Variants in GRM5 observed in about 807,000 individuals in gnomAD.
GRM5 encodes glutamate metabotropic receptor 5.
GRM5 carries 19 observed loss-of-function variants against 83.1 expected under a neutral mutation model. That is an observed-to-expected ratio of 0.23 (90% confidence interval 0.16 to 0.34). The LOEUF (loss-of-function observed/expected upper bound fraction) is 0.34, where lower values mean the gene tolerates loss of function less well. Among genes scored for constraint, GRM5 ranks in the 10% least tolerant of loss-of-function variants. The pLI is 1.00. For missense variants in GRM5, 1,160 were observed against 1,588.3 expected (o/e 0.73, Z 4.58); for synonymous variants, 675 against 633.6 (o/e 1.07, Z -0.98).
chr11:88,868,963 A>G (rs1169420663), intron 2 of GRM5, among the ~76,000 whole-genome samples: 2 of 151,678 alleles, frequency 1.3e-5, no homozygotes, highest in East Asian at 3.9e-4. Context: ...GATAGTACCA[A>G]AGTATTGGCT....
intron 3 of GRM5, among the ~76,000 whole-genome samples, chr11:88,772,450 C>T (rs1846478): frequency 0.64 from 97,015 of 151,050 alleles, 31,846 homozygotes; most frequent in Non-Finnish European, 0.73. Flanking sequence ...TATTTTTATT[C>T]ATTTTTTATT....
At chr11:88,701,012 T>C (rs1481410050) in intron 3 of GRM5, among the ~76,000 whole-genome samples, 2 of 152,096 alleles carry the variant, frequency 1.3e-5, no homozygotes, top group Non-Finnish European at 2.9e-5. Context: ...AGTGTCCCAT[T>C]TGGGTTTTCT....
chr11:88,851,981 C>T (rs576639572), intron 2 of GRM5, among the ~76,000 whole-genome samples: 1 of 152,298 alleles, frequency 6.6e-6, no homozygotes, highest in South Asian at 2.1e-4. Flanking sequence ...ATCTATTATT[C>T]TTTCATTTAT....
chr11:89,061,566 A>T (rs1413076626), intron 1 of GRM5, among the ~76,000 whole-genome samples: 1 of 152,234 alleles, frequency 6.6e-6, no homozygotes, highest in Non-Finnish European at 1.5e-5. Context: ...AGCCAAAATT[A>T]AAAATGGTAT....
chr11:89,023,014 C>A (rs1417973922), intron 2 of GRM5, among the ~76,000 whole-genome samples: 1 of 152,110 alleles, frequency 6.6e-6, no homozygotes, highest in Admixed American at 6.5e-5. Flanking sequence ...GACACGTTCC[C>A]AGGTAATTTT....
At chr11:89,053,509 C>T (rs1941803941) in intron 1 of GRM5, among the ~76,000 whole-genome samples, 2 of 152,136 alleles carry the variant, frequency 1.3e-5, no homozygotes, top group African/African-American at 4.8e-5. Context: ...CATGTGTTTT[C>T]TATAAATGTT....
intron 2 of GRM5, among the ~76,000 whole-genome samples, chr11:88,915,776 C>T (rs1426478651): frequency 1.3e-5 from 2 of 152,128 alleles, no homozygotes; most frequent in East Asian, 3.9e-4. Context: ...CTACCAACAT[C>T]TTCTAACTTC....
At chr11:88,602,405 G>A (rs1462166435) in intron 5 of GRM5, among the ~76,000 whole-genome samples, 3 of 152,130 alleles carry the variant, frequency 2.0e-5, no homozygotes, top group Non-Finnish European at 2.9e-5. Flanking sequence ...ATTAAAACGT[G>A]CTAACAGTCT....
intron 5 of GRM5, among the ~76,000 whole-genome samples, chr11:88,600,541 A>G (rs1237023581): frequency 1.3e-5 from 2 of 152,184 alleles, no homozygotes; most frequent in East Asian, 1.9e-4. Context: ...AATAAATTTT[A>G]TATATTGCTC....
At chr11:89,027,966 G>A (rs1941167503) in intron 2 of GRM5, among the ~76,000 whole-genome samples, 1 of 152,102 alleles carries the variant, frequency 6.6e-6, no homozygotes, top group African/African-American at 2.4e-5. Flanking sequence ...AAATGAATTA[G>A]GCCCCCATTT....
chr11:88,870,074 AAAG>A (rs1944737580), intron 2 of GRM5, among the ~76,000 whole-genome samples: 4 of 151,620 alleles, frequency 2.6e-5, no homozygotes. Flanking sequence ...AACGGGTAGA[AAAG>A]AAGAAATACT....
At chr11:88,833,269 AAACT>A (rs1318009006) in intron 3 of GRM5, among the ~76,000 whole-genome samples, 2 of 152,062 alleles carry the variant, frequency 1.3e-5, no homozygotes, top group Non-Finnish European at 2.9e-5. Flanking sequence ...CTTAAAAAAA[AAACT>A]AACTCCCGCT....
chr11:88,945,496 C>G (rs555332769), intron 2 of GRM5, among the ~76,000 whole-genome samples: 194 of 152,178 alleles, frequency 1.3e-3, no homozygotes, highest in Non-Finnish European at 2.3e-3. Context: ...TCAAACTATA[C>G]TACAATGCTA....
intron 9 of GRM5, 109 bp downstream of exon 9, chr11:88,525,200 A>G (rs1941837516): frequency 1.4e-6 from 1 of 708,788 alleles, no homozygotes; most frequent in Non-Finnish European, 2.5e-6. Context: ...GGTTGGACAC[A>G]CTGTATGAGT....
intron 3 of GRM5, among the ~76,000 whole-genome samples, chr11:88,849,191 A>T (rs960002046): frequency 9.9e-5 from 15 of 152,016 alleles, no homozygotes; most frequent in African/African-American, 2.9e-4. Context: ...ACACACACAA[A>T]TTTATACATA....
At chr11:88,993,713 C>T (rs576869815) in intron 2 of GRM5, among the ~76,000 whole-genome samples, 100 of 151,980 alleles carry the variant, frequency 6.6e-4, no homozygotes, top group Middle Eastern at 3.4e-3. Context: ...GGTTTTATTT[C>T]TGGTGTTTTT....
intron 3 of GRM5, among the ~76,000 whole-genome samples, chr11:88,747,725 G>A (rs1207231155): frequency 6.6e-6 from 1 of 150,378 alleles, no homozygotes; most frequent in Non-Finnish European, 1.5e-5. Flanking sequence ...AAAAGATCAC[G>A]TAACGAGGAG....
At chr11:88,833,731 G>A (rs1000011374) in intron 3 of GRM5, among the ~76,000 whole-genome samples, 1 of 152,058 alleles carries the variant, frequency 6.6e-6, no homozygotes, top group Non-Finnish European at 1.5e-5. Flanking sequence ...ATCCATCAAT[G>A]GATTAATTGT....
intron 2 of GRM5, among the ~76,000 whole-genome samples, chr11:88,869,036 C>T (rs891644589): frequency 2.0e-5 from 3 of 151,708 alleles, no homozygotes; most frequent in Admixed American, 1.3e-4. Context: ...TTAATCATAC[C>T]TTTGAGATAC....
Sources: allele counts gnomAD v4.1 joint callset (sites outside exome capture counted in the v4.1 genomes callset), GRCh38; gene constraint gnomAD v4.1.1; transcripts MANE v1.5; gene names NCBI Gene and HGNC (gene_info 2026-07-23, HGNC 2026-07-21).